The following AGBL4 variants were observed in gnomAD, a reference collection of about 807,000 sequenced individuals.
AGBL4 encodes cytosolic carboxypeptidase 6.
Under a neutral mutation model 66.4 loss-of-function variants are expected in AGBL4, and 58 were observed. The observed-to-expected ratio is 0.87, with a 90% CI of 0.71 to 1.09. The LOEUF (loss-of-function observed/expected upper bound fraction) is 1.09, where lower values mean the gene tolerates loss of function less well. AGBL4 is among the 50% of genes least tolerant of loss of function. The pLI is 0.00. For synonymous variants in AGBL4, 234 were observed against 222.9 expected (o/e 1.05, Z -0.44); for missense variants, 579 against 631.0 (o/e 0.92, Z 0.88).
At chr1:49,803,121 T>A (rs1644902502) in intron 2 of AGBL4, among the ~76,000 whole-genome samples, 1 of 151,162 alleles carries the variant, frequency 6.6e-6, no homozygotes, top group South Asian at 2.1e-4. Flanking sequence ...ATAATTTATT[T>A]AATTAAATAA....
intron 2 of AGBL4, among the ~76,000 whole-genome samples, chr1:49,733,629 A>G (rs1447000547): frequency 6.6e-6 from 1 of 152,202 alleles, no homozygotes; most frequent in Non-Finnish European, 1.5e-5. Flanking sequence ...TGGAAACTGA[A>G]TCCCCATTGC....
chr1:49,458,232 AGT>A (rs141496201), intron 3 of AGBL4, among the ~76,000 whole-genome samples: 2,347 of 151,754 alleles, frequency 0.015, 67 homozygotes, highest in African/African-American at 0.054. Flanking sequence ...TTTTTTCAGC[AGT>A]GTTTTGTAAT....
intron 6 of AGBL4, among the ~76,000 whole-genome samples, chr1:48,762,445 T>C (rs1331246138): frequency 6.6e-6 from 1 of 152,198 alleles, no homozygotes; most frequent in African/African-American, 2.4e-5. Context: ...TGTCCCCTTG[T>C]GGTAAAATAC....
chr1:49,972,602 A>G (rs1444448927), intron 1 of AGBL4, among the ~76,000 whole-genome samples: 1 of 152,184 alleles, frequency 6.6e-6, no homozygotes, highest in Admixed American at 6.5e-5. Flanking sequence ...ACATTTTATC[A>G]TCTCACACCA....
At chr1:48,879,481 T>TCGTGAACCCGGGAAGCGGAGCTTGC (rs1558061098) in intron 5 of AGBL4, among the ~76,000 whole-genome samples, 11 of 152,208 alleles carry the variant, frequency 7.2e-5, no homozygotes, top group Middle Eastern at 3.4e-3. Flanking sequence ...AGACAAGAAT[T>TCGTGAACCCGGGAAGCGGAGCTTGC]AGAAAAGTGA....
rs145230698 is a variant in AGBL4, at chr1:48,942,314, G to C, written c.595-75084C>G. On this transcript the variant is annotated intron_variant, in intron 5 of 13. Transcript: ENST00000371839. Reference sequence around the variant, plus strand: ...CCATATGTTGAATTATTGTGGTGGGGGGGGGGGGTTGTGGTAAAAGAATAT... The same window carrying C: ...CCATATGTTGAATTATTGTGGTGGGCGGGGGGGGTTGTGGTAAAAGAATAT... Among the ~76,000 whole-genome samples the C allele has an allele frequency of 1.9e-3, 284 of 150,700 alleles. 3 individuals are homozygous for C. Among genetic ancestry groups the C allele is most frequent in the South Asian group, 0.018 (87 of 4,736 alleles).
At chr1:48,628,131 G>C (rs1319914867) in intron 9 of AGBL4, among the ~76,000 whole-genome samples, 2 of 152,178 alleles carry the variant, frequency 1.3e-5, no homozygotes, top group Admixed American at 1.3e-4. Flanking sequence ...GTACAGAAAG[G>C]TGCTGAATGA....
At chr1:49,086,295 A>T (rs1369457956) in intron 4 of AGBL4, among the ~76,000 whole-genome samples, 1 of 152,086 alleles carries the variant, frequency 6.6e-6, no homozygotes, top group Non-Finnish European at 1.5e-5. Context: ...CAGACTGGCA[A>T]CACCTGCTAC....
rs527835529 is a variant in AGBL4, at chr1:49,784,660, C to G, written c.157+66736G>C. ...TTAAAAACGATAAATTTGACTTCAT[C>G]CAAATTCTGTGCAACAAGTGATACT... is the stretch of plus-strand genomic sequence containing the variant. On this transcript the variant is annotated intron_variant, in intron 2 of 13. Coordinates refer to ENST00000371839, the MANE Select transcript of AGBL4 (RefSeq NM_032785.4). Among the ~76,000 whole-genome samples, 9 of 151,996 alleles carry G rather than the reference C, an allele frequency of 5.9e-5. No individual in the cohort carries two copies. In the East Asian group the frequency reaches 1.7e-3, roughly 29 times the overall value.
intron 6 of AGBL4, among the ~76,000 whole-genome samples, chr1:48,702,361 T>G (rs1646815660): frequency 6.6e-6 from 1 of 152,034 alleles, no homozygotes; most frequent in Admixed American, 6.6e-5. Context: ...ACACGATCTC[T>G]GCTCACTGCA....
intron 4 of AGBL4, among the ~76,000 whole-genome samples, chr1:49,186,837 G>T (rs1647024326): frequency 6.6e-6 from 1 of 152,164 alleles, no homozygotes; most frequent in African/African-American, 2.4e-5. Context: ...GGCATAACTG[G>T]ATGGTTGAAA....
intron 4 of AGBL4, among the ~76,000 whole-genome samples, chr1:49,222,401 C>G (rs897118521): frequency 6.6e-6 from 1 of 151,948 alleles, no homozygotes; most frequent in African/African-American, 2.4e-5. Context: ...AACTTGGCCA[C>G]AAATTTCCTG....
chr1:49,936,266 G>A (rs1359477736), intron 1 of AGBL4, among the ~76,000 whole-genome samples: 1 of 152,148 alleles, frequency 6.6e-6, no homozygotes, highest in Admixed American at 6.5e-5. Flanking sequence ...ATGAAATGAA[G>A]CAAGAAGGGA....
intron 1 of AGBL4, among the ~76,000 whole-genome samples, chr1:49,857,019 T>G (rs560577313): frequency 6.6e-6 from 1 of 150,418 alleles, no homozygotes; most frequent in South Asian, 2.1e-4. Flanking sequence ...AACTGATAAA[T>G]TATTAAGTAA....
At chr1:48,681,209 T>C in intron 6 of AGBL4, among the ~76,000 whole-genome samples, 1 of 152,132 alleles carries the variant, frequency 6.6e-6, no homozygotes, top group East Asian at 1.9e-4. Flanking sequence ...ATCTGTAAAA[T>C]AGGGATAGGG....
chr1:49,966,042 C>T (rs1657534938), intron 1 of AGBL4, among the ~76,000 whole-genome samples: 2 of 150,938 alleles, frequency 1.3e-5, no homozygotes, highest in Non-Finnish European at 2.9e-5. Flanking sequence ...TCCGGGTTCA[C>T]GCCATTCTCC....
In AGBL4 at chr1:49,019,030, A is replaced by G. The variant is rs964636256; in HGVS notation, c.594+26554T>C. 9.9e-5 allele frequency among the ~76,000 whole-genome samples: 15 copies of G among 152,180 alleles called. 1 individual carries two copies. The highest frequency in any genetic ancestry group is 3.4e-4 in the African/African-American group (14 of 41,442). On this transcript the variant is annotated intron_variant, in intron 5 of 13. Transcript: ENST00000371839. ...GTCCCTGGGCTCCTTAGGTATGTAC[A>G]TTCGAGAAGATACACAGTGACTCCT...
At chr1:48,541,821 A>C (rs940801417) in intron 11 of AGBL4, among the ~76,000 whole-genome samples, 2 of 152,176 alleles carry the variant, frequency 1.3e-5, no homozygotes, top group East Asian at 3.8e-4. Context: ...TACTTATATA[A>C]TGTTTAATAC....
intron 3 of AGBL4, among the ~76,000 whole-genome samples, chr1:49,519,161 G>T (rs1455524904): frequency 6.6e-6 from 1 of 152,056 alleles, no homozygotes; most frequent in Non-Finnish European, 1.5e-5. Flanking sequence ...AATAGAATTT[G>T]TCATCAGAAT....
Sources: gnomAD v4.1 joint callset for allele counts (sites outside exome capture counted in the v4.1 genomes callset) on GRCh38, gnomAD v4.1.1 for gene constraint, MANE v1.5 for transcripts, NCBI Gene and HGNC (gene_info 2026-07-23, HGNC 2026-07-21) for gene names.